The following UBE2H variants were observed in gnomAD, a reference collection of about 807,000 sequenced individuals.
UBE2H encodes the protein ubiquitin-conjugating enzyme E2 H.
Under a neutral mutation model 29.0 loss-of-function variants are expected in UBE2H, and 3 were observed. The ratio of observed to expected loss-of-function variants is 0.10; its 90% CI spans 0.05 to 0.27. The LOEUF (loss-of-function observed/expected upper bound fraction) is 0.27, where lower values mean the gene tolerates loss of function less well. Among genes scored for constraint, UBE2H ranks in the 10% least tolerant of loss-of-function variants. The pLI is 1.00. For synonymous variants in UBE2H, 69 were observed against 82.9 expected, an observed-to-expected ratio of 0.83 and a Z score of 0.91; for missense variants, 68 against 228.2, an observed-to-expected ratio of 0.30 and a Z score of 4.52.
chr7:129,873,134 T>A (rs1806076921), intron 3 of UBE2H, among the ~76,000 whole-genome samples: 1 of 151,266 alleles, frequency 6.6e-6, no homozygotes, highest in Admixed American at 6.6e-5. Context: ...TTCTCCTGCC[T>A]TAGCCTCCCA....
chr7:129,866,091 C>T (rs1000895582), intron 3 of UBE2H, among the ~76,000 whole-genome samples: 1 of 152,182 alleles, frequency 6.6e-6, no homozygotes, highest in Non-Finnish European at 1.5e-5. Flanking sequence ...CTTCAGAAAT[C>T]TGAGCCTTTC....
rs1314875307 is a variant in UBE2H at position 129,832,235 on chromosome 7, G to A, written c.*2702C>T. ...CCCAGGCGCAGGGAGAGGACAAAAAGCATAAGGGACTCTGTTCAACCCAGC... is the reference window on the plus strand; with the variant it reads ...CCCAGGCGCAGGGAGAGGACAAAAAACATAAGGGACTCTGTTCAACCCAGC... On this transcript the variant is annotated 3_prime_UTR_variant, in exon 7 of 7. Coordinates refer to ENST00000355621, the MANE Select transcript of UBE2H (RefSeq NM_003344.4). 2.0e-5 allele frequency: 3 copies of A among 152,222 alleles called. No individual in the cohort carries two copies. Among genetic ancestry groups the A allele is most frequent in the Non-Finnish European group, 4.4e-5 (3 of 68,070 alleles). 9.4% of individuals were successfully genotyped at this position (152,222 alleles called of 1,614,324 possible). A position where few individuals can be genotyped will look rare whatever the true frequency, so the allele number is the denominator to read the frequency against.
At chr7:129,944,756 GC>G (rs1807727084) in intron 1 of UBE2H, among the ~76,000 whole-genome samples, 1 of 110,758 alleles carries the variant, frequency 9.0e-6, no homozygotes, top group African/African-American at 3.3e-5. Flanking sequence ...ACACACGCAC[GC>G]ACGCACGCGC....
chr7:129,869,124 G>C (rs527591763), intron 3 of UBE2H, among the ~76,000 whole-genome samples: 1 of 151,948 alleles, frequency 6.6e-6, no homozygotes, highest in African/African-American at 2.4e-5. Context: ...TTAGTATAGA[G>C]ACGGGGTTTC....
At chr7:129,906,796 G>A (rs535542890) in intron 1 of UBE2H, among the ~76,000 whole-genome samples, 1 of 152,144 alleles carries the variant, frequency 6.6e-6, no homozygotes, top group Non-Finnish European at 1.5e-5. Flanking sequence ...TTCAAAAAGT[G>A]CAATAAAGCT....
At chr7:129,921,535 T>C (rs1807162103) in intron 1 of UBE2H, among the ~76,000 whole-genome samples, 1 of 151,714 alleles carries the variant, frequency 6.6e-6, no homozygotes, top group African/African-American at 2.4e-5. Context: ...CTGTCTCTAC[T>C]AAAAATACAA....
In UBE2H at chr7:129,831,917, G is replaced by C. The variant is rs1287815468; in HGVS notation, c.*3020C>G. The C allele has an allele frequency of 6.6e-6, 1 of 152,240 alleles. No homozygotes were observed. Among genetic ancestry groups the C allele is most frequent in the African/African-American group, 2.4e-5 (1 of 41,438 alleles). The allele number at this position is 152,240 out of a possible 1,614,324, so 9.4% of individuals were successfully genotyped here. A position where few individuals can be genotyped will look rare whatever the true frequency, so the allele number is the denominator to read the frequency against. ...TGGCTTGTGCTGGTAAAACTCAAGG[G>C]AGGATCCAAAAACTATGGGCACTAA... On this transcript the variant is annotated 3_prime_UTR_variant, in exon 7 of 7. Coordinates refer to ENST00000355621, the MANE Select transcript of UBE2H (RefSeq NM_003344.4).
At chr7:129,839,074 C>T in intron 6 of UBE2H, 133 bp downstream of exon 6, 2 of 1,369,028 alleles carry the variant, frequency 1.5e-6, no homozygotes, top group East Asian at 2.4e-5. Context: ...AGCACTACTT[C>T]AGCCCACAGC....
At chr7:129,889,680 T>G (rs987246410) in intron 1 of UBE2H, among the ~76,000 whole-genome samples, 1 of 152,126 alleles carries the variant, frequency 6.6e-6, no homozygotes, top group Non-Finnish European at 1.5e-5. Flanking sequence ...CAGCAAACAG[T>G]AGACTACAAA....
rs1055624410 is a variant in UBE2H at position 129,885,387 on chromosome 7, T to G, written c.54-4416A>C. On this transcript the variant is annotated intron_variant, in intron 1 of 6. Transcript: ENST00000355621. ...ATGAATGACACTGATCTACTGCAAT[T>G]ACTTTTAATCATTTAAAATTACGAG... Among the ~76,000 whole-genome samples, 4 of 152,384 alleles carry G rather than the reference T, an allele frequency of 2.6e-5. No homozygotes were observed. The Middle Eastern group carries it at 0.014, about 518-fold the overall frequency.
At chr7:129,847,929 T>C (rs1805540542) in intron 5 of UBE2H, among the ~76,000 whole-genome samples, 1 of 152,204 alleles carries the variant, frequency 6.6e-6, no homozygotes, top group Non-Finnish European at 1.5e-5. Flanking sequence ...CTCTAGTTTT[T>C]CTTTTATTTC....
intron 2 of UBE2H, among the ~76,000 whole-genome samples, chr7:129,880,205 C>A (rs937118237): frequency 3.3e-5 from 5 of 151,668 alleles, no homozygotes; most frequent in Admixed American, 6.6e-5. Flanking sequence ...AAAAATAACA[C>A]AAAAAAAATA....
chr7:129,942,068 G>C (rs1367635868), intron 1 of UBE2H, among the ~76,000 whole-genome samples: 1 of 151,914 alleles, frequency 6.6e-6, no homozygotes, highest in Non-Finnish European at 1.5e-5. Context: ...AAGTAAGCCA[G>C]GTGTGGTGGC....
intron 5 of UBE2H, among the ~76,000 whole-genome samples, chr7:129,840,209 A>C (rs1035709463): frequency 7.2e-5 from 11 of 151,926 alleles, no homozygotes; most frequent in Non-Finnish European, 1.3e-4. Context: ...TTTTTGAGAG[A>C]GGATCTCACT....
intron 1 of UBE2H, among the ~76,000 whole-genome samples, chr7:129,884,188 C>A (rs1336408297): frequency 6.6e-6 from 1 of 152,142 alleles, no homozygotes; most frequent in East Asian, 1.9e-4. Context: ...GGGGCCGATG[C>A]AGGTGGATCA....
chr7:129,890,376 CTT>C (rs1050860417), intron 1 of UBE2H, among the ~76,000 whole-genome samples: 2 of 151,228 alleles, frequency 1.3e-5, no homozygotes, highest in African/African-American at 2.4e-5. Context: ...TATACACACA[CTT>C]ATATATATAT....
chr7:129,862,895 G>GT (rs1805828592), intron 3 of UBE2H, among the ~76,000 whole-genome samples: 1 of 152,194 alleles, frequency 6.6e-6, no homozygotes, highest in African/African-American at 2.4e-5. Flanking sequence ...AAATAGGCTA[G>GT]TTGGGGAACA....
chr7:129,892,196 GC>G (rs1806508615), intron 1 of UBE2H, among the ~76,000 whole-genome samples: 1 of 151,490 alleles, frequency 6.6e-6, no homozygotes, highest in East Asian at 1.9e-4. Flanking sequence ...TGATCCGCCC[GC>G]CTCGGCCTCC....
chr7:129,865,698 G>A (rs1273297569), intron 3 of UBE2H, among the ~76,000 whole-genome samples: 1 of 152,216 alleles, frequency 6.6e-6, no homozygotes, highest in African/African-American at 2.4e-5. Context: ...AAACAGTTAA[G>A]TGAATACATT....
Sources: gnomAD v4.1 joint callset for allele counts (sites outside exome capture counted in the v4.1 genomes callset) on GRCh38, gnomAD v4.1.1 for gene constraint, MANE v1.5 for transcripts, NCBI Gene and HGNC (gene_info 2026-07-23, HGNC 2026-07-21) for gene names.